Variants in SPAG9 observed in about 807,000 individuals in gnomAD.
SPAG9 encodes C-Jun-amino-terminal kinase-interacting protein 4.
In SPAG9, 35 loss-of-function variants were observed where a neutral mutation model predicts 166.5. The observed-to-expected ratio is 0.21, with a 90% CI of 0.16 to 0.28. SPAG9 has a LOEUF of 0.28. SPAG9 is among the 10% of genes least tolerant of loss of function. The pLI, the probability that SPAG9 is intolerant of heterozygous loss-of-function variation, is 1.00. For missense variants in SPAG9, 1,235 were observed against 1,603.3 expected, an observed-to-expected ratio of 0.77 and a Z score of 3.92; for synonymous variants, 534 against 565.5, an observed-to-expected ratio of 0.94 and a Z score of 0.79.
intron 14 of SPAG9, chr17:50,999,387 T>C: frequency 9.6e-7 from 1 of 1,046,200 alleles, no homozygotes; most frequent in South Asian, 1.7e-5. Flanking sequence ...TTCCCCATTA[T>C]TTAAATTTGG....
intron 4 of SPAG9, chr17:51,046,414 A>G (rs1598078700): frequency 3.3e-6 from 3 of 907,896 alleles, no homozygotes; most frequent in South Asian, 1.7e-5. Context: ...TCAATCTGCA[A>G]CAGAAATTGT....
At chr17:50,969,305 C>T (rs1392517784) in intron 29 of SPAG9, among the ~76,000 whole-genome samples, 2 of 152,146 alleles carry the variant, frequency 1.3e-5, no homozygotes, top group Admixed American at 6.5e-5. Flanking sequence ...TCAAGATCAA[C>T]ATGATCAGCA....
chr17:51,099,759 TAAAAAAAAAAAAAAA>T (rs58721041), intron 1 of SPAG9, among the ~76,000 whole-genome samples: 1 of 43,628 alleles, frequency 2.3e-5, no homozygotes, highest in African/African-American at 6.9e-5. Flanking sequence ...CTTCTATTAC[TAAAAAAAAAAAAAAA>T]AAAAAAAAAA....
At chr17:51,078,043 C>T (rs1162253263) in intron 2 of SPAG9, among the ~76,000 whole-genome samples, 5 of 152,122 alleles carry the variant, frequency 3.3e-5, no homozygotes, top group Non-Finnish European at 7.3e-5. Context: ...AATCCTCCCA[C>T]CTTCACCTCC....
Position 51,120,740 on chromosome 17 carries a change from C to T in SPAG9, c.-84G>A. 7.9e-7 allele frequency: 1 copy of T among 1,272,946 alleles called. No homozygotes were observed. Among genetic ancestry groups the T allele is most frequent in the African/African-American group, 1.5e-5 (1 of 67,246 alleles). 78.9% of individuals were successfully genotyped at this position (1,272,946 alleles called of 1,614,324 possible). A position where few individuals can be genotyped will look rare whatever the true frequency, so the allele number is the denominator to read the frequency against. On this transcript the variant is annotated 5_prime_UTR_variant, in exon 1 of 30. Coordinates refer to ENST00000262013, the MANE Select transcript of SPAG9 (RefSeq NM_001130528.3). The surrounding 1 kb of genome is among the most constrained non-coding windows in gnomAD (Gnocchi z 4.7). ...CCGCACGGGACGGACCCGACTCGGGCTGGGACGGGTACTAGGGCTGGAGCC... is the reference window on the plus strand; with the variant it reads ...CCGCACGGGACGGACCCGACTCGGGTTGGGACGGGTACTAGGGCTGGAGCC...
chr17:50,968,868 C>T (rs1973552876), intron 29 of SPAG9, among the ~76,000 whole-genome samples: 1 of 152,198 alleles, frequency 6.6e-6, no homozygotes, highest in South Asian at 2.1e-4. Flanking sequence ...CAGATCCCTC[C>T]ATAAGCTCTA....
intron 15 of SPAG9, 67 bp downstream of exon 15, chr17:50,998,377 G>A (rs977984420): frequency 7.1e-7 from 1 of 1,411,654 alleles, no homozygotes; most frequent in Non-Finnish European, 9.8e-7. Flanking sequence ...GAGCTGATAA[G>A]AGGCCAAGAA....
intron 13 of SPAG9, 68 bp from the exon 14 acceptor site, chr17:50,999,785 AAG>A: frequency 7.4e-7 from 1 of 1,348,216 alleles, no homozygotes; most frequent in Non-Finnish European, 1.0e-6. Context: ...TCTGAAGAAC[AAG>A]AGACCCAAGA....
intron 9 of SPAG9, among the ~76,000 whole-genome samples, chr17:51,012,666 T>A (rs1455685474): frequency 6.6e-6 from 1 of 151,982 alleles, no homozygotes; most frequent in Non-Finnish European, 1.5e-5. Flanking sequence ...ATGGTGACAA[T>A]CCCTTTCTGT....
chr17:51,120,302 C>G lies in SPAG9; in HGVS notation c.303+52G>C. 1.4e-6 allele frequency: 2 copies of G among 1,439,192 alleles called. No individual in the cohort carries two copies. The highest frequency in any genetic ancestry group is 1.8e-6 in the Non-Finnish European group (2 of 1,093,680). The allele number at this position is 1,439,192 out of a possible 1,614,324, so 89.2% of individuals were successfully genotyped here. A position where few individuals can be genotyped will look rare whatever the true frequency, so the allele number is the denominator to read the frequency against. ...CCCCGACCGGGCCGCGACCCCGCCC[C>G]GGCCGCCCCCGGAGACGGATCCCGC... On this transcript the variant is annotated intron_variant, in intron 1 of 29. Transcript: ENST00000262013. This position sits in a 1 kb window ranked among gnomAD's most constrained non-coding sequence, Gnocchi z 4.7.
intron 8 of SPAG9, among the ~76,000 whole-genome samples, chr17:51,014,973 A>G (rs2045638311): frequency 1.3e-5 from 2 of 152,112 alleles, no homozygotes; most frequent in African/African-American, 4.8e-5. Flanking sequence ...TTAATAGAAA[A>G]AACTCTGTAG....
intron 13 of SPAG9, among the ~76,000 whole-genome samples, chr17:51,000,939 T>C (rs967202834): frequency 3.9e-5 from 6 of 152,216 alleles, no homozygotes; most frequent in African/African-American, 1.4e-4. Context: ...TGGGCAGTTA[T>C]AAGCAATTAC....
Position 50,963,830 on chromosome 17 carries a change from G to T in SPAG9, c.*2442C>A, listed in dbSNP as rs1286381833. On this transcript the variant is annotated 3_prime_UTR_variant, in exon 30 of 30. Coordinates refer to ENST00000262013, the MANE Select transcript of SPAG9 (RefSeq NM_001130528.3). Reference sequence around the variant, plus strand: ...TTTTTAAAAGATATTGCCAAAAATGGCTCAGATTTAAGATGAAATAAAAAC... The same window carrying T: ...TTTTTAAAAGATATTGCCAAAAATGTCTCAGATTTAAGATGAAATAAAAAC... The T allele has an allele frequency of 6.6e-6, 1 of 152,166 alleles. No homozygotes were observed. The highest frequency in any genetic ancestry group is 1.9e-4 in the East Asian group (1 of 5,200). 9.4% of individuals were successfully genotyped at this position (152,166 alleles called of 1,614,324 possible).
intron 1 of SPAG9, among the ~76,000 whole-genome samples, chr17:51,115,381 G>A (rs756715657): frequency 6.6e-6 from 1 of 151,072 alleles, no homozygotes; most frequent in Non-Finnish European, 1.5e-5. Flanking sequence ...TTGGGGAAGA[G>A]GGGTCTCACT....
chr17:51,056,665 G>A (rs760671105), intron 2 of SPAG9, among the ~76,000 whole-genome samples, 183 bp from the exon 3 acceptor site: 7 of 152,048 alleles, frequency 4.6e-5, no homozygotes, highest in East Asian at 1.9e-4. Flanking sequence ...ACTTTCAGAC[G>A]AGCGGAATAC....
chr17:51,053,857 ATAT>A (rs1468951890), intron 3 of SPAG9, among the ~76,000 whole-genome samples: 1,433 of 36,500 alleles, frequency 0.039, 64 homozygotes, highest in Middle Eastern at 0.071. Context: ...AAAAAAAAGT[ATAT>A]ATATATATAT....
chr17:51,051,401 C>T (rs2047179976), intron 3 of SPAG9, among the ~76,000 whole-genome samples: 1 of 152,192 alleles, frequency 6.6e-6, no homozygotes, highest in African/African-American at 2.4e-5. Flanking sequence ...AGCCACTGCA[C>T]TCGGCCAAGG....
chr17:51,058,932 A>G (rs1442275531), intron 2 of SPAG9, among the ~76,000 whole-genome samples: 1 of 152,256 alleles, frequency 6.6e-6, no homozygotes, highest in African/African-American at 2.4e-5. Context: ...TCATTGCTAG[A>G]AAGCCTATAT....
chr17:51,077,029 T>TCTAGCTAG (rs1442787507), intron 2 of SPAG9, among the ~76,000 whole-genome samples: 1 of 65,274 alleles, frequency 1.5e-5, no homozygotes, highest in Non-Finnish European at 3.5e-5. Context: ...TATCTAGCTA[T>TCTAGCTAG]CTATCTAGCT....
Sources: allele counts gnomAD v4.1 joint callset (sites outside exome capture counted in the v4.1 genomes callset), GRCh38; gene constraint gnomAD v4.1.1; non-coding constraint Gnocchi (gnomAD v3.1); transcripts MANE v1.5; gene names NCBI Gene and HGNC (gene_info 2026-07-23, HGNC 2026-07-21).